The following MARCHF11 variants were observed in gnomAD, a reference collection of about 807,000 sequenced individuals.
MARCHF11 encodes the protein E3 ubiquitin-protein ligase MARCHF11.
MARCHF11 carries 29 observed loss-of-function variants against 37.3 expected under a neutral mutation model. That is an observed-to-expected ratio of 0.78 (90% CI 0.58 to 1.06). The LOEUF is 1.06. MARCHF11 is among the 50% of genes least tolerant of loss of function. The pLI is 0.00. For synonymous variants in MARCHF11, 233 were observed against 228.0 expected, an observed-to-expected ratio of 1.02 and a Z score of -0.20; for missense variants, 482 against 533.4, an observed-to-expected ratio of 0.90 and a Z score of 0.95.
chr5:16,143,615 C>T (rs950209683), intron 2 of MARCHF11, among the ~76,000 whole-genome samples: 1 of 152,258 alleles, frequency 6.6e-6, no homozygotes, highest in Non-Finnish European at 1.5e-5. Context: ...GGGCTAGGCC[C>T]TGGCCTGCAT....
chr5:16,141,488 T>C (rs1451989284), intron 2 of MARCHF11: 1 of 152,118 alleles, frequency 6.6e-6, no homozygotes, highest in Non-Finnish European at 1.5e-5. Context: ...CACAAGAATG[T>C]GAAAGCCATC....
At chr5:16,123,266 G>T (rs775206980) in intron 2 of MARCHF11, among the ~76,000 whole-genome samples, 1 of 152,072 alleles carries the variant, frequency 6.6e-6, no homozygotes, top group East Asian at 1.9e-4. Context: ...GAGGTCATTC[G>T]GGTGGGTCCT....
chr5:16,171,312 A>G (rs1289656216), intron 2 of MARCHF11, among the ~76,000 whole-genome samples: 1 of 148,550 alleles, frequency 6.7e-6, no homozygotes, highest in Admixed American at 6.9e-5. Flanking sequence ...TAAGTTTATA[A>G]TAAGTTCATT....
intron 3 of MARCHF11, among the ~76,000 whole-genome samples, chr5:16,083,547 G>A (rs139063790): frequency 1.7e-3 from 266 of 152,182 alleles, no homozygotes; most frequent in African/African-American, 5.2e-3. Context: ...GCTCTCCTGC[G>A]GTCTTGGGCA....
intron 3 of MARCHF11, among the ~76,000 whole-genome samples, chr5:16,068,372 G>GT (rs1324147959): frequency 6.6e-6 from 1 of 152,300 alleles, no homozygotes; most frequent in Admixed American, 6.5e-5. Context: ...ATTATCCCAT[G>GT]TAGTACTCAT....
intron 2 of MARCHF11, among the ~76,000 whole-genome samples, chr5:16,143,303 G>T (rs769359999): frequency 2.6e-5 from 4 of 152,084 alleles, no homozygotes; most frequent in Non-Finnish European, 5.9e-5. Context: ...AAGGACAGTT[G>T]ACAGGGAGAC....
intron 2 of MARCHF11, among the ~76,000 whole-genome samples, chr5:16,108,316 G>A (rs1737078979): frequency 6.6e-6 from 1 of 152,204 alleles, no homozygotes; most frequent in Non-Finnish European, 1.5e-5. Context: ...CCTCCCGTAA[G>A]GGGTTTGAGC....
At chr5:16,111,620 G>A (rs968419963) in intron 2 of MARCHF11, among the ~76,000 whole-genome samples, 8 of 152,192 alleles carry the variant, frequency 5.3e-5, no homozygotes, top group Admixed American at 3.3e-4. Flanking sequence ...TTTGCAGCCT[G>A]ACTACTCAAT....
chr5:16,076,830 G>C, intron 3 of MARCHF11, among the ~76,000 whole-genome samples: 1 of 152,270 alleles, frequency 6.6e-6, no homozygotes, highest in South Asian at 2.1e-4. Flanking sequence ...CTCAGACATC[G>C]GGAGCCATCC....
chr5:16,103,189 A>G (rs552063306), intron 2 of MARCHF11, among the ~76,000 whole-genome samples: 1 of 152,236 alleles, frequency 6.6e-6, no homozygotes, highest in East Asian at 1.9e-4. Context: ...AAAAGTGAAT[A>G]TGGTGCTTGA....
At chr5:16,147,755 T>TA (rs1158093376) in intron 2 of MARCHF11, among the ~76,000 whole-genome samples, 1 of 152,170 alleles carries the variant, frequency 6.6e-6, no homozygotes, top group Non-Finnish European at 1.5e-5. Flanking sequence ...AAATACTGTA[T>TA]AGCATACGTA....
chr5:16,169,786 T>A (rs1198315801), intron 2 of MARCHF11, among the ~76,000 whole-genome samples: 1 of 152,128 alleles, frequency 6.6e-6, no homozygotes, highest in East Asian at 1.9e-4. Context: ...TTACTTGTAA[T>A]TGCAGGTGAT....
intron 3 of MARCHF11, among the ~76,000 whole-genome samples, chr5:16,090,514 G>A (rs527822250): frequency 4.6e-5 from 7 of 152,084 alleles, no homozygotes; most frequent in Middle Eastern, 3.4e-3. Flanking sequence ...ATACAGTACC[G>A]CCATTTGCAT....
At chr5:16,104,602 T>G (rs1448205568) in intron 2 of MARCHF11, among the ~76,000 whole-genome samples, 1 of 151,912 alleles carries the variant, frequency 6.6e-6, no homozygotes, top group Non-Finnish European at 1.5e-5. Context: ...ATACTTGAAA[T>G]ACACTTAATT....
At chr5:16,141,114 G>C (rs1305414124) in intron 2 of MARCHF11, 2 of 152,394 alleles carry the variant, frequency 1.3e-5, no homozygotes, top group Admixed American at 6.5e-5. Context: ...GAATTGTCTA[G>C]TCATCAGACC....
intron 2 of MARCHF11, among the ~76,000 whole-genome samples, chr5:16,120,866 G>C (rs1388641335): frequency 1.3e-5 from 2 of 152,158 alleles, no homozygotes; most frequent in African/African-American, 4.8e-5. Context: ...TCAGTGTCCT[G>C]GCAGCTTCTA....
intron 2 of MARCHF11, among the ~76,000 whole-genome samples, chr5:16,126,428 A>T (rs1446033): frequency 0.23 from 34,710 of 152,170 alleles, 4,120 homozygotes; most frequent in South Asian, 0.31. Flanking sequence ...TAACACATGA[A>T]TTATTTTGTA....
At chr5:16,078,302 G>A (rs1736553459) in intron 3 of MARCHF11, among the ~76,000 whole-genome samples, 1 of 152,096 alleles carries the variant, frequency 6.6e-6, no homozygotes, top group Non-Finnish European at 1.5e-5. Context: ...TGCCTCCTAA[G>A]GTGGTTATGA....
intron 2 of MARCHF11, among the ~76,000 whole-genome samples, chr5:16,123,871 G>A (rs1362533913): frequency 2.0e-5 from 3 of 152,046 alleles, no homozygotes; most frequent in South Asian, 2.1e-4. Flanking sequence ...TAGGTATAGA[G>A]ACCCACCTTT....
Sources: allele counts gnomAD v4.1 joint callset (sites outside exome capture counted in the v4.1 genomes callset), GRCh38; gene constraint gnomAD v4.1.1; transcripts MANE v1.5; gene names NCBI Gene and HGNC (gene_info 2026-07-23, HGNC 2026-07-21).